AAMDC: variants seen among roughly 807,000 people sequenced by gnomAD.
AAMDC encodes mth938 domain-containing protein.
AAMDC carries 16 observed loss-of-function variants against 15.5 expected under a neutral mutation model. That is an observed-to-expected ratio of 1.03 (90% CI 0.70 to 1.57). The LOEUF (loss-of-function observed/expected upper bound fraction) is 1.57. Among genes scored for constraint, AAMDC ranks in the 40% most tolerant of loss-of-function variants. The pLI, the probability that AAMDC is intolerant of heterozygous loss-of-function variation, is 0.00. For synonymous variants in AAMDC, 51 were observed against 51.6 expected, an observed-to-expected ratio of 0.99 and a Z score of 0.05; for missense variants, 141 against 144.9, an observed-to-expected ratio of 0.97 and a Z score of 0.14.
intron 5 of AAMDC, chr11:77,894,215 T>A: frequency 1.4e-6 from 1 of 736,222 alleles, no homozygotes; most frequent in Non-Finnish European, 2.3e-6. Context: ...GATTTGTGAT[T>A]GTTCCTATTG....
chr11:77,850,327 T>A (rs1398070143), intron 2 of AAMDC, among the ~76,000 whole-genome samples: 2 of 152,164 alleles, frequency 1.3e-5, no homozygotes, highest in Non-Finnish European at 2.9e-5. Flanking sequence ...AATATAACTT[T>A]TCCAGGGTCA....
At position 77,847,988 on chromosome 11, in the gene AAMDC, T is replaced by C. The variant is rs145166992; in HGVS notation, c.132+5360T>C. 6.6e-5 allele frequency among the ~76,000 whole-genome samples: 10 copies of C among 152,280 alleles called. No homozygotes were observed. The East Asian group carries it at 1.5e-3, about 24-fold the overall frequency. On this transcript the variant is annotated intron_variant, in intron 2 of 3. Transcript: ENST00000393427. Reference sequence around the variant, plus strand: ...AAGAGGCAAATTCTCCTTCCTCTGCTTTATGTTCTTTTCAGGCCCTCAATG... The same window carrying C: ...AAGAGGCAAATTCTCCTTCCTCTGCCTTATGTTCTTTTCAGGCCCTCAATG...
chr11:77,878,823 T>C, intron 5 of AAMDC: 1 of 783,772 alleles, frequency 1.3e-6, no homozygotes, highest in Non-Finnish European at 2.3e-6. Context: ...TGATACCAGA[T>C]GAGACTGTAA....
intron 5 of AAMDC, among the ~76,000 whole-genome samples, chr11:77,893,546 G>A (rs1018470449): frequency 1.2e-4 from 19 of 152,160 alleles, no homozygotes; most frequent in African/African-American, 4.6e-4. Flanking sequence ...GAGTTCAAGG[G>A]TGCAGTGAGC....
At chr11:77,864,157 C>A (rs1218958865) in intron 2 of AAMDC, among the ~76,000 whole-genome samples, 4 of 152,186 alleles carry the variant, frequency 2.6e-5, no homozygotes, top group Middle Eastern at 3.4e-3. Flanking sequence ...GAACTCCTGA[C>A]CTCAGGTGAT....
chr11:77,827,444 C>T (rs1949231200), intron 1 of AAMDC, among the ~76,000 whole-genome samples: 1 of 152,126 alleles, frequency 6.6e-6, no homozygotes, highest in Non-Finnish European at 1.5e-5. Context: ...ACACCATAAA[C>T]AAGTGGGATT....
chr11:77,903,642 G>C, downstream of AAMDC: 1 of 1,594,556 alleles, frequency 6.3e-7, no homozygotes. Context: ...AATCAGGAGG[G>C]AACAGAATAC....
At chr11:77,875,300 G>A (rs111702957), downstream of AAMDC, among the ~76,000 whole-genome samples, 134 of 152,316 alleles carry the variant, frequency 8.8e-4, 1 homozygote, top group African/African-American at 3.1e-3. Flanking sequence ...CAGATCAGTT[G>A]GAAGAAATAA....
chr11:77,879,000 G>A, intron 5 of AAMDC: 1 of 1,614,118 alleles, frequency 6.2e-7, no homozygotes, highest in Non-Finnish European at 8.5e-7. Context: ...GCTTGCTGAA[G>A]GGAATGGTGC....
intron 2 of AAMDC, among the ~76,000 whole-genome samples, chr11:77,854,808 T>A (rs1950545050): frequency 1.3e-5 from 2 of 152,224 alleles, no homozygotes; most frequent in Non-Finnish European, 2.9e-5. Flanking sequence ...GGACTCTGTG[T>A]AGGGGCTCCA....
intron 2 of AAMDC, among the ~76,000 whole-genome samples, chr11:77,865,430 A>C (rs1296379369): frequency 1.3e-5 from 2 of 152,202 alleles, no homozygotes; most frequent in Non-Finnish European, 2.9e-5. Flanking sequence ...AACCGGTTGT[A>C]GGCATGGCAG....
At chr11:77,841,735 C>T (rs1370559260) in intron 1 of AAMDC, among the ~76,000 whole-genome samples, 1 of 152,132 alleles carries the variant, frequency 6.6e-6, no homozygotes, top group Admixed American at 6.6e-5. Context: ...TTATAAAGCC[C>T]CCTGTGGCTG....
Position 77,841,121 on chromosome 11 carries a change from G to A in AAMDC, c.-18-1358G>A, listed in dbSNP as rs1448181389. 4 of 686,916 alleles carry A rather than the reference G, an allele frequency of 5.8e-6. No homozygotes were observed. In the African/African-American group the frequency reaches 7.0e-5, roughly 12 times the overall value. 42.6% of individuals were successfully genotyped at this position (686,916 alleles called of 1,614,324 possible). A position where few individuals can be genotyped will look rare whatever the true frequency, so the allele number is the denominator to read the frequency against. ...AGTCATCACATGGTGGAAGCACCAA[G>A]AGAGGGCCATACTTGTCCTTTTATA... On this transcript the variant is annotated intron_variant, in intron 1 of 3. Coordinates refer to ENST00000393427, the MANE Select transcript of AAMDC (RefSeq NM_024684.4).
At chr11:77,899,470 G>A (rs1417190120) in intron 5 of AAMDC, among the ~76,000 whole-genome samples, 10 of 151,994 alleles carry the variant, frequency 6.6e-5, no homozygotes, top group African/African-American at 2.4e-4. Context: ...TCAGGAGTTC[G>A]AGACCAGCCT....
chr11:77,890,726 G>A (rs1377046194), intron 5 of AAMDC, among the ~76,000 whole-genome samples: 5 of 152,166 alleles, frequency 3.3e-5, no homozygotes, highest in Admixed American at 6.5e-5. Context: ...GAGTAAACAC[G>A]ATTGCACAGA....
chr11:77,873,268 G>C (rs1308410012), downstream of AAMDC, among the ~76,000 whole-genome samples: 2 of 152,178 alleles, frequency 1.3e-5, no homozygotes, highest in Non-Finnish European at 2.9e-5. Context: ...GCAGTACCTG[G>C]AGTCATTGTA....
chr11:77,873,459 G>A (rs1486779650), downstream of AAMDC, among the ~76,000 whole-genome samples: 1 of 152,202 alleles, frequency 6.6e-6, no homozygotes, highest in African/African-American at 2.4e-5. Context: ...GCCATAGAAT[G>A]TTGGAGCCCA....
chr11:77,888,617 T>C (rs9667819), intron 5 of AAMDC, among the ~76,000 whole-genome samples: 26,651 of 151,840 alleles, frequency 0.18, 2,879 homozygotes, highest in African/African-American at 0.29. Context: ...CAAAAGAAAC[T>C]ACCATCAGAG....
chr11:77,899,776 C>T (rs3018415), intron 5 of AAMDC, among the ~76,000 whole-genome samples: 2 of 152,004 alleles, frequency 1.3e-5, no homozygotes, highest in East Asian at 1.9e-4. Context: ...TTATAATGCT[C>T]GGTGAAAGGA....
Sources: allele counts gnomAD v4.1 joint callset (sites outside exome capture counted in the v4.1 genomes callset), GRCh38; gene constraint gnomAD v4.1.1; transcripts MANE v1.5; gene names NCBI Gene and HGNC (gene_info 2026-07-23, HGNC 2026-07-21).